PRKCE: variants seen among roughly 807,000 people sequenced by gnomAD.
PRKCE encodes the protein protein kinase C epsilon type.
In PRKCE, 16 loss-of-function variants were observed where a neutral mutation model predicts 85.4. The ratio of observed to expected loss-of-function variants is 0.19; its 90% CI spans 0.13 to 0.28. The LOEUF is 0.28. Among genes scored for constraint, PRKCE ranks in the 10% least tolerant of loss-of-function variants. PRKCE has a pLI of 1.00. For missense variants in PRKCE, 573 were observed against 975.2 expected, an observed-to-expected ratio of 0.59 and a Z score of 5.49; for synonymous variants, 388 against 371.5, an observed-to-expected ratio of 1.04 and a Z score of -0.51.
chr2:46,013,051 C>T (rs570780767), intron 10 of PRKCE, among the ~76,000 whole-genome samples: 1 of 152,320 alleles, frequency 6.6e-6, no homozygotes, highest in East Asian at 1.9e-4. Context: ...ACCTCAGTTT[C>T]ATAGAATACT....
rs1240856234 is a variant in PRKCE, at chr2:46,155,482, C to G, written c.1921-4124C>G. On this transcript the variant is annotated intron_variant, in intron 13 of 14. Transcript: ENST00000306156. This position sits in a 1 kb window ranked among gnomAD's most constrained non-coding sequence, Gnocchi z 4.7. ...TCCCCTGCACAGCACTCTCCCACTT[C>G]CCACCCTGCACTCAGGGAGGGGTAT... is the stretch of plus-strand genomic sequence containing the variant. Among the ~76,000 whole-genome samples, 2 of 152,128 alleles carry G rather than the reference C, an allele frequency of 1.3e-5. No individual in the cohort carries two copies. The highest frequency in any genetic ancestry group is 2.9e-5 in the Non-Finnish European group (2 of 68,008).
chr2:45,700,763 A>C (rs1238976438), intron 1 of PRKCE: 1 of 152,206 alleles, frequency 6.6e-6, no homozygotes, highest in Non-Finnish European at 1.5e-5. Context: ...TAATCAAGTT[A>C]AGATGAAGTC....
At chr2:46,023,634 A>G (rs1706866685) in intron 10 of PRKCE, among the ~76,000 whole-genome samples, 1 of 152,154 alleles carries the variant, frequency 6.6e-6, no homozygotes, top group African/African-American at 2.4e-5. Context: ...ATTCCAGTGA[A>G]TTCCTGCTGG....
intron 1 of PRKCE, among the ~76,000 whole-genome samples, chr2:45,671,131 C>G (rs186710844): frequency 6.6e-5 from 10 of 152,188 alleles, no homozygotes; most frequent in African/African-American, 2.4e-4. Context: ...AAGGTGTTTG[C>G]GGCCTTACCC....
intron 2 of PRKCE, among the ~76,000 whole-genome samples, chr2:45,856,637 C>G (rs1374937646): frequency 6.6e-6 from 1 of 152,182 alleles, no homozygotes; most frequent in Non-Finnish European, 1.5e-5. Flanking sequence ...TATAATAGAA[C>G]AGGAAAACTT....
chr2:46,101,942 G>T (rs888975566), intron 11 of PRKCE, among the ~76,000 whole-genome samples: 3 of 151,524 alleles, frequency 2.0e-5, no homozygotes, highest in Admixed American at 6.6e-5. Context: ...TCTCCCTGGG[G>T]CCAGTTTCAG....
intron 1 of PRKCE, among the ~76,000 whole-genome samples, chr2:45,797,889 C>G (rs140479328): frequency 6.6e-6 from 1 of 152,342 alleles, no homozygotes; most frequent in Non-Finnish European, 1.5e-5. Flanking sequence ...TGGTATTTAG[C>G]TGGATTGTAG....
chr2:46,000,429 C>T (rs1399557329), intron 6 of PRKCE, among the ~76,000 whole-genome samples: 6 of 147,586 alleles, frequency 4.1e-5, no homozygotes, highest in African/African-American at 7.6e-5. Flanking sequence ...CCAGATCAGT[C>T]GGGGTCTGAT....
intron 11 of PRKCE, among the ~76,000 whole-genome samples, chr2:46,135,081 A>G (rs1674827904): frequency 6.6e-6 from 1 of 152,092 alleles, no homozygotes; most frequent in South Asian, 2.1e-4. Flanking sequence ...GTACCAGGCT[A>G]TTTATTTTGG....
chr2:46,137,831 C>G (rs1020434049), intron 11 of PRKCE, among the ~76,000 whole-genome samples: 3 of 152,068 alleles, frequency 2.0e-5, no homozygotes, highest in African/African-American at 7.2e-5. Context: ...CATCCCATCT[C>G]CAGCATACCA....
intron 10 of PRKCE, among the ~76,000 whole-genome samples, chr2:46,027,669 A>G (rs1479400500): frequency 6.6e-6 from 1 of 152,246 alleles, no homozygotes; most frequent in Non-Finnish European, 1.5e-5. Context: ...AACTTTAACA[A>G]AAAACTGAGC....
At position 45,871,064 on chromosome 2, in the gene PRKCE, G is replaced by A. The variant is rs544005933; in HGVS notation, c.412+28001G>A. On this transcript the variant is annotated intron_variant, in intron 2 of 14. Coordinates refer to ENST00000306156, the MANE Select transcript of PRKCE (RefSeq NM_005400.3). ...CCTCTCAAAGTAGTGGTTGCTCCAG[G>A]GACCCTGCAAATGCTTGTCTTCTAA... Among the ~76,000 whole-genome samples the A allele has an allele frequency of 2.0e-5, 3 of 152,340 alleles. No individual in the cohort carries two copies. The East Asian group carries it at 5.8e-4, about 29-fold the overall frequency.
At chr2:45,938,219 G>C (rs545120133) in intron 2 of PRKCE, among the ~76,000 whole-genome samples, 1 of 152,272 alleles carries the variant, frequency 6.6e-6, no homozygotes, top group African/African-American at 2.4e-5. Context: ...CTTGGAGGTG[G>C]TATTTAGCCC....
chr2:45,810,858 G>A (rs1302479133), intron 1 of PRKCE, among the ~76,000 whole-genome samples: 2 of 152,220 alleles, frequency 1.3e-5, no homozygotes, highest in Non-Finnish European at 2.9e-5. Flanking sequence ...CTCACAGAAT[G>A]ATAAAATGGC....
chr2:45,662,595 C>A (rs1347106377), intron 1 of PRKCE, among the ~76,000 whole-genome samples: 1 of 152,062 alleles, frequency 6.6e-6, no homozygotes, highest in Non-Finnish European at 1.5e-5. Context: ...ACATTCTGGG[C>A]CTTGGCTACG....
chr2:45,848,586 C>G (rs1385357918), intron 2 of PRKCE, among the ~76,000 whole-genome samples: 14 of 152,334 alleles, frequency 9.2e-5, no homozygotes, highest in African/African-American at 3.4e-4. Context: ...GCTGGGATTA[C>G]AGGTGTGAGT....
At chr2:45,739,949 C>G (rs1446961431) in intron 1 of PRKCE, among the ~76,000 whole-genome samples, 1 of 152,146 alleles carries the variant, frequency 6.6e-6, no homozygotes, top group Non-Finnish European at 1.5e-5. Context: ...CTGTGATGAA[C>G]TAAGTAGCTT....
chr2:46,010,473 A>C lies in PRKCE; in HGVS notation c.1393A>C (p.Lys465Gln), dbSNP rs1705568764. The C allele has an allele frequency of 1.9e-6, 3 of 1,599,704 alleles. No individual in the cohort carries two copies. Among genetic ancestry groups the C allele is most frequent in the Admixed American group, 1.7e-5 (1 of 60,026 alleles). The change falls in exon 10 of 15, where the codon AAA (lysine) becomes CAA (glutamine). Residue 465 changes from lysine to glutamine, a missense_variant. Physicochemically the swap from Lys to Gln is moderately conservative, Grantham distance 53. Transcript: ENST00000306156. The stretch of plus-strand genomic sequence containing the variant: ...GAAGAGGATTTTGGCTCTGGCACGG[A>C]AACACCCGTACCTTACCCAACTCTA... ...TEKRILALAR[K>Q]HPYLTQLYCC... is the part of the protein sequence containing the mutation.
At chr2:45,881,362 G>T (rs1209764800) in intron 2 of PRKCE, among the ~76,000 whole-genome samples, 7 of 152,080 alleles carry the variant, frequency 4.6e-5, no homozygotes, top group Non-Finnish European at 8.8e-5. Context: ...TGCAATCCAG[G>T]TGGACACATC....
Sources: allele counts gnomAD v4.1 joint callset (sites outside exome capture counted in the v4.1 genomes callset), GRCh38; gene constraint gnomAD v4.1.1; non-coding constraint Gnocchi (gnomAD v3.1); transcripts MANE v1.5; gene names NCBI Gene and HGNC (gene_info 2026-07-23, HGNC 2026-07-21).